The following LRCH3 variants were observed in gnomAD, a reference collection of about 807,000 sequenced individuals.
LRCH3 encodes the protein leucine rich repeats and calponin homology domain containing 3, also known as DISP complex protein LRCH3.
In LRCH3, 68 loss-of-function variants were observed where a neutral mutation model predicts 104.5. The observed-to-expected ratio is 0.65, with a 90% CI of 0.54 to 0.80. The LOEUF (loss-of-function observed/expected upper bound fraction) is 0.80, where lower values mean the gene tolerates loss of function less well. Among genes scored for constraint, LRCH3 ranks in the 30% least tolerant of loss-of-function variants. The pLI, the probability that LRCH3 is intolerant of heterozygous loss-of-function variation, is 0.00. For missense variants in LRCH3, 951 were observed against 953.9 expected, an observed-to-expected ratio of 1.00 and a Z score of 0.04; for synonymous variants, 344 against 361.3, an observed-to-expected ratio of 0.95 and a Z score of 0.54.
intron 9 of LRCH3, among the ~76,000 whole-genome samples, chr3:197,838,558 T>C (rs1237085387): frequency 1.3e-5 from 2 of 152,226 alleles, no homozygotes; most frequent in African/African-American, 4.8e-5. Context: ...TTGATGATTA[T>C]TTTTGGTGTT....
rs748737263 is a variant in LRCH3, at chr3:197,854,649, G to A, written c.1644+204G>A. On this transcript the variant is annotated intron_variant, in intron 14 of 20. Transcript: ENST00000425562. This position sits in a 1 kb window ranked among gnomAD's most constrained non-coding sequence, Gnocchi z 4.5. ...AGCTCATATCTTTGTCAGTGCCACC[G>A]AAAGGAAAACATTTGCCTTGAGAAC... Among the ~76,000 whole-genome samples the A allele has an allele frequency of 6.6e-6, 1 of 152,116 alleles. No homozygotes were observed. The highest frequency in any genetic ancestry group is 2.4e-5 in the African/African-American group (1 of 41,426).
chr3:197,799,352 T>C (rs1357564523), intron 1 of LRCH3, among the ~76,000 whole-genome samples: 1 of 152,216 alleles, frequency 6.6e-6, no homozygotes, highest in Non-Finnish European at 1.5e-5. Flanking sequence ...GAATATTATT[T>C]TGAATTCCTG....
chr3:197,869,925 G>T (rs1711917507), intron 17 of LRCH3, among the ~76,000 whole-genome samples: 1 of 150,500 alleles, frequency 6.6e-6, no homozygotes, highest in African/African-American at 2.5e-5. Flanking sequence ...CACTGTACCT[G>T]CAGGAGGTAG....
intron 19 of LRCH3, among the ~76,000 whole-genome samples, chr3:197,873,700 G>A (rs1291425947): frequency 6.6e-6 from 1 of 152,082 alleles, no homozygotes; most frequent in East Asian, 1.9e-4. Flanking sequence ...ACAACAACCT[G>A]GGCAACAGAG....
At chr3:197,848,191 A>G (rs538172390) in intron 12 of LRCH3, 170 bp downstream of exon 12, 9 of 604,418 alleles carry the variant, frequency 1.5e-5, no homozygotes, top group Non-Finnish European at 2.6e-5. Context: ...GCATGAGGAC[A>G]GAACAAGTGA....
Position 197,810,201 on chromosome 3 carries a change from G to T in LRCH3, c.263-4707G>T, listed in dbSNP as rs1732965378. ...TTTTTGAGATGGAGTTTCACTCCCA[G>T]GTTGGAGTTCAGTGGCACGATCTTG... On this transcript the variant is annotated intron_variant, in intron 1 of 20. Coordinates refer to ENST00000425562, the MANE Select transcript of LRCH3 (RefSeq NM_001365715.1). The surrounding 1 kb of genome is among the most constrained non-coding windows in gnomAD (Gnocchi z 4.0). Among the ~76,000 whole-genome samples, 1 of 152,140 alleles carries T rather than the reference G, an allele frequency of 6.6e-6. No individual in the cohort carries two copies. Among genetic ancestry groups the T allele is most frequent in the Admixed American group, 6.6e-5 (1 of 15,266 alleles).
chr3:197,854,352 T>C lies in LRCH3; in HGVS notation c.1591-40T>C. The C allele has an allele frequency of 6.3e-7, 1 of 1,578,730 alleles. No homozygotes were observed. The highest frequency in any genetic ancestry group is 8.7e-7 in the Non-Finnish European group (1 of 1,147,662). On this transcript the variant is annotated intron_variant, in intron 13 of 20. Coordinates refer to ENST00000425562, the MANE Select transcript of LRCH3 (RefSeq NM_001365715.1). This position sits in a 1 kb window ranked among gnomAD's most constrained non-coding sequence, Gnocchi z 4.5. ...TGAAATACGTCACACGTGTGCGTAG[T>C]TTGTTTCTGACATGGCTTCATTTTT...
rs562142789 is a variant in LRCH3, at chr3:197,882,271, C to T, written c.2209-1270C>T. ...AGCCTTGGAGAAAGCACGTCTCTTC[C>T]GACAGCAAAACACTGGGCAGGTTCA... On this transcript the variant is annotated intron_variant, in intron 20 of 20. Transcript: ENST00000425562. 6.7e-5 allele frequency: 66 copies of T among 985,330 alleles called. No individual in the cohort carries two copies. In the African/African-American group the frequency reaches 9.2e-4, roughly 14 times the overall value. The allele number at this position is 985,330 out of a possible 1,614,324, so 61.0% of individuals were successfully genotyped here. A position where few individuals can be genotyped will look rare whatever the true frequency, so the allele number is the denominator to read the frequency against.
intron 1 of LRCH3, among the ~76,000 whole-genome samples, chr3:197,811,964 G>C (rs1368122447): frequency 2.6e-5 from 4 of 152,200 alleles, no homozygotes; most frequent in African/African-American, 9.6e-5. Flanking sequence ...ATGTCACTAA[G>C]AAGAGGCAGA....
chr3:197,880,868 A>C, intron 20 of LRCH3: 1 of 1,445,906 alleles, frequency 6.9e-7, no homozygotes, highest in South Asian at 1.5e-5. Context: ...TTATATTTGC[A>C]GATGAGCACC....
At chr3:197,828,542 T>A (rs956390008) in intron 5 of LRCH3, among the ~76,000 whole-genome samples, 1 of 151,224 alleles carries the variant, frequency 6.6e-6, no homozygotes, top group African/African-American at 2.4e-5. Flanking sequence ...AGACGGGGTT[T>A]CACCGTGTTA....
At chr3:197,880,227 G>A (rs773328878) in intron 20 of LRCH3, among the ~76,000 whole-genome samples, 3 of 151,864 alleles carry the variant, frequency 2.0e-5, no homozygotes, top group Admixed American at 2.0e-4. Context: ...TTACAGGTGT[G>A]AGCCACCGCG....
At chr3:197,830,025 A>C (rs1735722530) in intron 6 of LRCH3, among the ~76,000 whole-genome samples, 2 of 152,196 alleles carry the variant, frequency 1.3e-5, no homozygotes, top group African/African-American at 4.8e-5. Flanking sequence ...TCCAGTTGAA[A>C]ACTACTGGTC....
chr3:197,801,787 A>G (rs1476185174), intron 1 of LRCH3, among the ~76,000 whole-genome samples: 3 of 152,216 alleles, frequency 2.0e-5, no homozygotes, highest in Admixed American at 6.5e-5. Context: ...CTATAGTTCT[A>G]TAGGTTAGGA....
chr3:197,835,112 G>C (rs1219310494), intron 8 of LRCH3, among the ~76,000 whole-genome samples: 2 of 152,102 alleles, frequency 1.3e-5, no homozygotes, highest in African/African-American at 4.8e-5. Context: ...CCACTGCACT[G>C]CAGCCTGGAT....
intron 1 of LRCH3, among the ~76,000 whole-genome samples, chr3:197,804,796 TA>T (rs1469565387): frequency 2.0e-5 from 3 of 152,216 alleles, no homozygotes; most frequent in African/African-American, 7.2e-5. Flanking sequence ...TTGCAGTTAG[TA>T]AACACTTCCT....
intron 20 of LRCH3, among the ~76,000 whole-genome samples, chr3:197,879,538 C>T (rs528955104): frequency 4.6e-4 from 69 of 151,644 alleles, no homozygotes; most frequent in Non-Finnish European, 6.5e-4. Context: ...CCCAGCTGCT[C>T]GGGAGGCTGA....
intron 1 of LRCH3, among the ~76,000 whole-genome samples, chr3:197,803,228 T>C (rs1357283122): frequency 2.6e-5 from 4 of 152,254 alleles, no homozygotes; most frequent in Admixed American, 2.6e-4. Context: ...AAGGAAAATC[T>C]TAGTCAGATA....
chr3:197,834,918 C>CGGGT, intron 8 of LRCH3, among the ~76,000 whole-genome samples: 1 of 152,160 alleles, frequency 6.6e-6, no homozygotes, highest in South Asian at 2.1e-4. Flanking sequence ...CCACAGTGGG[C>CGGGT]GGATCGCTTG....
Sources: allele counts gnomAD v4.1 joint callset (sites outside exome capture counted in the v4.1 genomes callset), GRCh38; gene constraint gnomAD v4.1.1; non-coding constraint Gnocchi (gnomAD v3.1); transcripts MANE v1.5; gene names NCBI Gene and HGNC (gene_info 2026-07-23, HGNC 2026-07-21).